PRKCG: variants seen among roughly 807,000 people sequenced by gnomAD.
PRKCG encodes protein kinase C gamma type.
Under a neutral mutation model 82.0 loss-of-function variants are expected in PRKCG, and 28 were observed. The ratio of observed to expected loss-of-function variants is 0.34; its 90% CI spans 0.25 to 0.47. The LOEUF (loss-of-function observed/expected upper bound fraction) is 0.47. Among genes scored for constraint, PRKCG ranks in the 20% least tolerant of loss-of-function variants. PRKCG has a pLI of 1.00. For synonymous variants in PRKCG, 383 were observed against 376.6 expected (o/e 1.02, Z -0.20); for missense variants, 640 against 952.7 (o/e 0.67, Z 4.32).
At position 53,907,262 on chromosome 19, in the gene PRKCG, A is replaced by T. The variant is rs1476499858; in HGVS notation, c.*367A>T. ...CCCCAGACCCCGCCCCTGGGGAAAT[A>T]GCCTCACGGGGTTGGCTGTTCCAGA... On this transcript the variant is annotated 3_prime_UTR_variant, in exon 18 of 18. Coordinates refer to ENST00000263431, the MANE Select transcript of PRKCG (RefSeq NM_002739.5). 4 of 352,226 alleles carry T rather than the reference A, an allele frequency of 1.1e-5. No homozygotes were observed. Among genetic ancestry groups the T allele is most frequent in the Non-Finnish European group, 2.2e-5 (4 of 185,312 alleles). 21.8% of individuals were successfully genotyped at this position (352,226 alleles called of 1,614,324 possible). A position where few individuals can be genotyped will look rare whatever the true frequency, so the allele number is the denominator to read the frequency against.
rs1216135416 is a variant in PRKCG, at chr19:53,890,401, C to G, written c.529+384C>G. 2.6e-5 allele frequency among the ~76,000 whole-genome samples: 4 copies of G among 151,212 alleles called. No individual in the cohort carries two copies. In the East Asian group the frequency reaches 7.9e-4, roughly 30 times the overall value. ...CCTCCCGAGTAGCTGGGATTACAGG[C>G]GCGTGTCACCAAGCCCGGCTAATTT... On this transcript the variant is annotated intron_variant, in intron 5 of 17. Coordinates refer to ENST00000263431, the MANE Select transcript of PRKCG (RefSeq NM_002739.5).
rs1568764147 is a variant in PRKCG at position 53,906,124 on chromosome 19, T to TTCTTCTTCTTCTTTTCTTCTC, written c.1765-190_1765-189insTCTTCTTCTTTTCTTCTCTCT. The stretch of plus-strand genomic sequence containing the variant: ...TCTTCTTCTTCTTCTTCTTCTTTTC[T>TTCTTCTTCTTCTTTTCTTCTC]TCTCTCTCTCTCTCCTTTCTTTTCC... On this transcript the variant is annotated intron_variant, in intron 16 of 17. Transcript: ENST00000263431. Among the ~76,000 whole-genome samples the TTCTTCTTCTTCTTTTCTTCTC allele has an allele frequency of 2.1e-3, 148 of 70,572 alleles. 2 individuals carry two copies. The highest frequency in any genetic ancestry group is 0.016 in the Middle Eastern group (2 of 128). The allele number at this position is 70,572 out of a possible 152,430, so 46.3% of individuals were successfully genotyped here.
chr19:53,882,443 C>G lies in PRKCG; in HGVS notation c.-52C>G. 6.3e-7 allele frequency: 1 copy of G among 1,588,010 alleles called. No individual in the cohort carries two copies. Among genetic ancestry groups the G allele is most frequent in the Non-Finnish European group, 8.6e-7 (1 of 1,167,396 alleles). On this transcript the variant is annotated 5_prime_UTR_variant, in exon 1 of 18. Transcript: ENST00000263431. This position sits in a 1 kb window ranked among gnomAD's most constrained non-coding sequence, Gnocchi z 6.1. ...AGTCTCCAGCTCCTCTCCCTTCCAC[C>G]TGTTTCCCCCAAGAAAGGCAGGATC... is the stretch of plus-strand genomic sequence containing the variant.
chr19:53,906,712 C>T lies in PRKCG; in HGVS notation c.1911C>T (p.Gly637=). The T allele has an allele frequency of 6.2e-7, 1 of 1,612,572 alleles. No individual in the cohort carries two copies. The highest frequency in any genetic ancestry group is 1.7e-5 in the Admixed American group (1 of 60,020). ...CTCCCCCACGTCTCCCACAGTGTGG[C>T]CGCAGCGGCGAGAACTTTGACAAGT... ...IPPPFRPRPC[G]RSGENFDKFF... The change falls in exon 18 of 18, where the codon GGC becomes GGT. Residue 637 remains glycine (G), a synonymous_variant. Transcript: ENST00000263431.
At chr19:53,888,701 C>G (rs1164535144) in intron 3 of PRKCG, among the ~76,000 whole-genome samples, 3 of 152,082 alleles carry the variant, frequency 2.0e-5, no homozygotes, top group Non-Finnish European at 4.4e-5. Context: ...CTCCTGGGTT[C>G]CTATTATAAC....
chr19:53,885,205 A>G (rs900215072), intron 3 of PRKCG, among the ~76,000 whole-genome samples: 1 of 152,158 alleles, frequency 6.6e-6, no homozygotes, highest in African/African-American at 2.4e-5. Flanking sequence ...ATTTCGTGTC[A>G]TTTGAATTGG....
intron 16 of PRKCG, among the ~76,000 whole-genome samples, chr19:53,906,052 C>CTCG (rs1382339567): frequency 7.0e-5 from 4 of 56,994 alleles, no homozygotes; most frequent in African/African-American, 6.8e-4. Context: ...CCTCCTCCTC[C>CTCG]TCCTCCTCCT....
At chr19:53,888,629 A>G (rs1330654323) in intron 3 of PRKCG, among the ~76,000 whole-genome samples, 2 of 152,156 alleles carry the variant, frequency 1.3e-5, no homozygotes, top group Non-Finnish European at 1.5e-5. Flanking sequence ...CAGTAATAGT[A>G]TTGGGAGCAT....
chr19:53,893,937 A>G (rs1001001732), intron 9 of PRKCG, among the ~76,000 whole-genome samples: 7 of 150,668 alleles, frequency 4.6e-5, no homozygotes, highest in African/African-American at 1.7e-4. Flanking sequence ...TTTTATTTTT[A>G]GTAGAGATGG....
Position 53,882,423 on chromosome 19 carries a change from C to T in PRKCG, c.-72C>T. On this transcript the variant is annotated 5_prime_UTR_variant, in exon 1 of 18. Transcript: ENST00000263431. The surrounding 1 kb of genome is among the most constrained non-coding windows in gnomAD (Gnocchi z 6.1). ...GTGGCTCCTTTGATCCTTCGAGTCTCCAGCTCCTCTCCCTTCCACCTGTTT... is the reference window on the plus strand; with the variant it reads ...GTGGCTCCTTTGATCCTTCGAGTCTTCAGCTCCTCTCCCTTCCACCTGTTT... 1 of 1,571,312 alleles carries T rather than the reference C, an allele frequency of 6.4e-7. No homozygotes were observed.
rs533483401 is a variant in PRKCG at position 53,892,047 on chromosome 19, T to G, written c.686+217T>G. 1.5e-3 allele frequency among the ~76,000 whole-genome samples: 234 copies of G among 152,116 alleles called. 2 individuals carry two copies. The highest frequency in any genetic ancestry group is 5.2e-3 in the African/African-American group (214 of 41,486). On this transcript the variant is annotated intron_variant, in intron 6 of 17. Coordinates refer to ENST00000263431, the MANE Select transcript of PRKCG (RefSeq NM_002739.5). The surrounding 1 kb of genome is among the most constrained non-coding windows in gnomAD (Gnocchi z 5.9). ...CAGACCACTGTATAATTAGTCTCCA[T>G]TGAAGCCCCCAACTTTAGAGTTAGA...
chr19:53,901,711 G>A (rs1265653576), intron 14 of PRKCG, among the ~76,000 whole-genome samples: 4 of 150,992 alleles, frequency 2.6e-5, no homozygotes, highest in Admixed American at 6.6e-5. Context: ...TTAGCCAGGC[G>A]TGGTGGCGGG....
chr19:53,895,690 C>CT (rs2068712908), intron 9 of PRKCG, among the ~76,000 whole-genome samples: 1 of 152,162 alleles, frequency 6.6e-6, no homozygotes, highest in African/African-American at 2.4e-5. Context: ...TACTCAGTGA[C>CT]GATCTCTCTG....
chr19:53,890,066 G>A (rs1292576749), intron 5 of PRKCG, 49 bp downstream of exon 5: 5 of 1,535,960 alleles, frequency 3.3e-6, no homozygotes, highest in Admixed American at 2.0e-5. Flanking sequence ...CAAGTGTGAG[G>A]CGGGGCTGAC....
At chr19:53,899,153 G>A (rs2068743398) in intron 11 of PRKCG, among the ~76,000 whole-genome samples, 1 of 151,982 alleles carries the variant, frequency 6.6e-6, no homozygotes, top group Non-Finnish European at 1.5e-5. Flanking sequence ...GGCGTGGCCA[G>A]GCGGTGAGTT....
rs953157861 is a variant in PRKCG at position 53,892,282 on chromosome 19, C to T, written c.687-227C>T. Among the ~76,000 whole-genome samples, 16 of 151,910 alleles carry T rather than the reference C, an allele frequency of 1.1e-4. No homozygotes were observed. Among genetic ancestry groups the T allele is most frequent in the East Asian group, 1.9e-4 (1 of 5,170 alleles). On this transcript the variant is annotated intron_variant, in intron 6 of 17. Coordinates refer to ENST00000263431, the MANE Select transcript of PRKCG (RefSeq NM_002739.5). This position sits in a 1 kb window ranked among gnomAD's most constrained non-coding sequence, Gnocchi z 5.9. ...GACAAGAGACAGAGATGGGAAGGGG[C>T]GGAGAATGCAGGAGGAAGGGAGAGG...
intron 11 of PRKCG, among the ~76,000 whole-genome samples, chr19:53,899,973 C>T (rs2068750712): frequency 6.6e-6 from 1 of 152,126 alleles, no homozygotes; most frequent in African/African-American, 2.4e-5. Flanking sequence ...GGATTTCGAG[C>T]GAATGGTGGG....
At position 53,900,207 on chromosome 19, in the gene PRKCG, C is replaced by T. The variant is rs1264489379; in HGVS notation, c.1282-26C>T. ...CCTACTCTGGGTAGATGGATCCCGC[C>T]TCTAAGCCCATGCACTTCTCCGCAG... On this transcript the variant is annotated intron_variant, in intron 11 of 17. Coordinates refer to ENST00000263431, the MANE Select transcript of PRKCG (RefSeq NM_002739.5). The surrounding 1 kb of genome is among the most constrained non-coding windows in gnomAD (Gnocchi z 4.2). 2 of 1,602,772 alleles carry T rather than the reference C, an allele frequency of 1.2e-6. No individual in the cohort carries two copies. Among genetic ancestry groups the T allele is most frequent in the Non-Finnish European group, 1.7e-6 (2 of 1,169,758 alleles).
intron 9 of PRKCG, among the ~76,000 whole-genome samples, chr19:53,894,073 A>T (rs903956210): frequency 2.4e-4 from 32 of 130,722 alleles, no homozygotes; most frequent in Admixed American, 1.1e-3. Context: ...TGAGTTTTTT[A>T]TTTTTTTTTT....
Sources: gnomAD v4.1 joint callset for allele counts (sites outside exome capture counted in the v4.1 genomes callset) on GRCh38, gnomAD v4.1.1 for gene constraint, Gnocchi (gnomAD v3.1) non-coding constraint, MANE v1.5 for transcripts, NCBI Gene and HGNC (gene_info 2026-07-23, HGNC 2026-07-21) for gene names.